Variants in ZSCAN12 observed in about 807,000 individuals in gnomAD.
ZSCAN12 encodes the protein zinc finger and SCAN domain containing 12.
A neutral mutation model predicts 23.4 loss-of-function variants in ZSCAN12; 18 were observed. The observed-to-expected ratio is 0.77, with a 90% CI of 0.53 to 1.14. The LOEUF is 1.14. Ranked by LOEUF, ZSCAN12 falls within the 50% of genes most tolerant of loss-of-function variation. The pLI is 0.00. For missense variants in ZSCAN12, 650 were observed against 735.0 expected (o/e 0.88, Z 1.34); for synonymous variants, 186 against 253.4 (o/e 0.73, Z 2.53).
rs1561961326 is a variant in ZSCAN12, at chr6:28,393,000, A to G, written c.449T>C (p.Val150Ala). 2.6e-6 allele frequency: 4 copies of G among 1,551,816 alleles called. No individual in the cohort carries two copies. Among genetic ancestry groups the G allele is most frequent in the Non-Finnish European group, 3.5e-6 (4 of 1,146,920 alleles). Residue 150 changes from valine to alanine, a missense_variant, in exon 3 of 4, where the codon GTA (valine) becomes GCA (alanine). Transcript: ENST00000684592. ...GGGTTCTCCTTCTTTTCGTAGACGT[A>G]CCGTCTCCTGCAAGAACATTTCCTG... ...GEQEMFLQET[V>A]RLRKEGEPSM...
rs79433518 is a variant in ZSCAN12, at chr6:28,390,444, C to T, written c.*10G>A. On this transcript the variant is annotated 3_prime_UTR_variant, in exon 4 of 4. Coordinates refer to ENST00000684592, the MANE Select transcript of ZSCAN12 (RefSeq NM_001163391.2). ...GGCCTGAACTCTGTGAGATAACTTC[C>T]CTGTAGTCATCACACAGAAACAGAT... 4.7e-5 allele frequency: 72 copies of T among 1,523,446 alleles called. No homozygotes were observed. Among genetic ancestry groups the T allele is most frequent in the Non-Finnish European group, 6.3e-5 (71 of 1,133,298 alleles). The allele number at this position is 1,523,446 out of a possible 1,614,324, so 94.4% of individuals were successfully genotyped here.
intron 1 of ZSCAN12, 110 bp from the exon 2 acceptor site, chr6:28,398,583 T>C: frequency 1.7e-6 from 1 of 592,010 alleles, no homozygotes; most frequent in Non-Finnish European, 2.8e-6. Flanking sequence ...TAATGTACAA[T>C]ACTTACTCAG....
intron 2 of ZSCAN12, among the ~76,000 whole-genome samples, chr6:28,395,968 T>C (rs1005493616): frequency 6.6e-6 from 1 of 152,020 alleles, no homozygotes; most frequent in African/African-American, 2.4e-5. Flanking sequence ...TTTATTGTTG[T>C]TGTTGTTTGA....
chr6:28,385,733 G>A lies in ZSCAN12; in HGVS notation c.*4721C>T, dbSNP rs1489571764. 6.6e-6 allele frequency among the ~76,000 whole-genome samples: 1 copy of A among 152,208 alleles called. No homozygotes were observed. Among genetic ancestry groups the A allele is most frequent in the Non-Finnish European group, 1.5e-5 (1 of 68,032 alleles). On this transcript the variant is annotated 3_prime_UTR_variant, in exon 4 of 4. Transcript: ENST00000684592. ...TTTAGTAATGTCTGGCCCTTAGTAA[G>A]CAGCTAATAAGTGTGCGGTATTGTC...
At position 28,388,366 on chromosome 6, in the gene ZSCAN12, T is replaced by C. The variant is rs1299984399; in HGVS notation, c.*2088A>G. Among the ~76,000 whole-genome samples the C allele has an allele frequency of 6.6e-6, 1 of 152,196 alleles. No homozygotes were observed. Among genetic ancestry groups the C allele is most frequent in the Non-Finnish European group, 1.5e-5 (1 of 68,030 alleles). ...GTAAGTTCCAATCCCAGAAGCCAAT[T>C]TGACACCTAATATACCTGAATTATA... On this transcript the variant is annotated 3_prime_UTR_variant, in exon 4 of 4. Coordinates refer to ENST00000684592, the MANE Select transcript of ZSCAN12 (RefSeq NM_001163391.2).
At position 28,390,991 on chromosome 6, in the gene ZSCAN12, C is replaced by T; in HGVS notation, c.1299G>A (p.Gln433=). 6.4e-7 allele frequency: 1 copy of T among 1,556,140 alleles called. No individual in the cohort carries two copies. The highest frequency in any genetic ancestry group is 8.7e-7 in the Non-Finnish European group (1 of 1,149,386). ...FVYNSSLVSH[Q]EIHHKEKCYQ... ...AGCATTTTTCTTTGTGGTGGATTTC[C>T]TGATGGGAAACAAGGGATGAGTTAT... The change falls in exon 4 of 4, where the codon CAG becomes CAA. Residue 433 remains glutamine (Q), a synonymous_variant. Coordinates refer to ENST00000684592, the MANE Select transcript of ZSCAN12 (RefSeq NM_001163391.2).
downstream of ZSCAN12, chr6:28,382,161 G>A (rs575444129): frequency 2.6e-5 from 5 of 192,000 alleles, no homozygotes; most frequent in Admixed American, 6.0e-5. Context: ...CGATTGCCTC[G>A]TCTCCACATT....
chr6:28,392,537 T>C (rs750544243), intron 3 of ZSCAN12, among the ~76,000 whole-genome samples: 1 of 152,120 alleles, frequency 6.6e-6, no homozygotes, highest in Non-Finnish European at 1.5e-5. Flanking sequence ...TGAAAGTTAG[T>C]TGCAGACATA....
At chr6:28,379,280 T>C (rs1760099426) in exon 5 of ZSCAN12, 1 of 152,148 alleles carries the variant, frequency 6.6e-6, no homozygotes, top group Admixed American at 6.5e-5. Context: ...TATCTGTCAA[T>C]AGGCTATACA....
chr6:28,399,202 T>C (rs1761290392), intron 1 of ZSCAN12, among the ~76,000 whole-genome samples: 1 of 152,256 alleles, frequency 6.6e-6, no homozygotes, highest in South Asian at 2.1e-4. Flanking sequence ...GTAAATTTAT[T>C]TCTTCAGGGA....
rs1312036037 is a variant in ZSCAN12 at position 28,389,369 on chromosome 6, G to A, written c.*1085C>T. Among the ~76,000 whole-genome samples, 1 of 152,152 alleles carries A rather than the reference G, an allele frequency of 6.6e-6. No homozygotes were observed. The highest frequency in any genetic ancestry group is 1.5e-5 in the Non-Finnish European group (1 of 68,034). On this transcript the variant is annotated 3_prime_UTR_variant, in exon 4 of 4. Transcript: ENST00000684592. ...TCTAATTCCTTGTTCACTCCAAAGAGCTGATGGCACATGTTCCCTGTAAGG... is the reference window on the plus strand; with the variant it reads ...TCTAATTCCTTGTTCACTCCAAAGAACTGATGGCACATGTTCCCTGTAAGG...
downstream of ZSCAN12, chr6:28,380,792 C>T (rs138479352): frequency 4.5e-5 from 7 of 153,854 alleles, no homozygotes; most frequent in South Asian, 1.4e-3. Flanking sequence ...GACATTCCCC[C>T]CAACAAAATT....
At chr6:28,392,783 A>T in intron 3 of ZSCAN12, 119 bp downstream of exon 3, 1 of 1,127,202 alleles carries the variant, frequency 8.9e-7, no homozygotes, top group Non-Finnish European at 1.2e-6. Flanking sequence ...ATGAGCCATC[A>T]GATTCTGAGA....
chr6:28,384,995 G>A lies in ZSCAN12; in HGVS notation c.*5459C>T, dbSNP rs1760470819. ...AAGCATTTGCTCAAATTCTGGCCTT[G>A]TGGAGTTAGGAGGGTCACCATTTGA... is the stretch of plus-strand genomic sequence containing the variant. On this transcript the variant is annotated 3_prime_UTR_variant, in exon 4 of 4. Transcript: ENST00000684592. Among the ~76,000 whole-genome samples, 1 of 152,212 alleles carries A rather than the reference G, an allele frequency of 6.6e-6. No homozygotes were observed. Among genetic ancestry groups the A allele is most frequent in the Admixed American group, 6.5e-5 (1 of 15,280 alleles).
In ZSCAN12 at chr6:28,386,366, C is replaced by T. The variant is rs1010879880; in HGVS notation, c.*4088G>A. ...GGCCATTGTTACTACAATTGATGACCGTTATTTCTACCTTGGACCTGCTTC... is the reference window on the plus strand; with the variant it reads ...GGCCATTGTTACTACAATTGATGACTGTTATTTCTACCTTGGACCTGCTTC... On this transcript the variant is annotated 3_prime_UTR_variant, in exon 4 of 4. Transcript: ENST00000684592. 6.6e-6 allele frequency among the ~76,000 whole-genome samples: 1 copy of T among 152,162 alleles called. No homozygotes were observed. The highest frequency in any genetic ancestry group is 1.5e-5 in the Non-Finnish European group (1 of 68,030).
At chr6:28,394,417 T>TA (rs1376102765) in intron 2 of ZSCAN12, among the ~76,000 whole-genome samples, 2 of 152,234 alleles carry the variant, frequency 1.3e-5, no homozygotes, top group Admixed American at 6.5e-5. Flanking sequence ...ATTTCCCTGA[T>TA]ACATTTTCAT....
In ZSCAN12 at chr6:28,391,407, T is replaced by C. The variant is rs1760825087; in HGVS notation, c.883A>G (p.Ile295Val). The C allele has an allele frequency of 1.3e-6, 2 of 1,551,550 alleles. No individual in the cohort carries two copies. The highest frequency in any genetic ancestry group is 2.7e-5 in the African/African-American group (2 of 73,026). Residue 295 changes from isoleucine to valine, a missense_variant, in exon 4 of 4, where the codon ATC becomes GTC. By Grantham distance (29) the Ile-to-Val change is conservative. Coordinates refer to ENST00000684592, the MANE Select transcript of ZSCAN12 (RefSeq NM_001163391.2). The surrounding 1 kb of genome is among the most constrained non-coding windows in gnomAD (Gnocchi z 4.1). ...TTGTAGGGTCTATCTCCAGTATGGATCCTCTGATGTTCTATGAGGTGTGAG... is the reference window on the plus strand; with the variant it reads ...TTGTAGGGTCTATCTCCAGTATGGACCCTCTGATGTTCTATGAGGTGTGAG... Reference protein sequence around the residue: ...QHSHLIEHQRIHTGDRPYKCE... With the variant: ...QHSHLIEHQRVHTGDRPYKCE...
chr6:28,386,809 C>A lies in ZSCAN12; in HGVS notation c.*3645G>T, dbSNP rs951920186. ...AGCATGAGAAATAACCAGAACAAAACCCCCACGTGTATTTTTATTTTTATT... is the reference window on the plus strand; with the variant it reads ...AGCATGAGAAATAACCAGAACAAAAACCCCACGTGTATTTTTATTTTTATT... On this transcript the variant is annotated 3_prime_UTR_variant, in exon 4 of 4. Coordinates refer to ENST00000684592, the MANE Select transcript of ZSCAN12 (RefSeq NM_001163391.2). 6.6e-6 allele frequency among the ~76,000 whole-genome samples: 1 copy of A among 152,048 alleles called. No homozygotes were observed. Among genetic ancestry groups the A allele is most frequent in the Non-Finnish European group, 1.5e-5 (1 of 67,984 alleles).
chr6:28,380,075 A>G (rs527694925), downstream of ZSCAN12: 101 of 152,346 alleles, frequency 6.6e-4, no homozygotes, highest in African/African-American at 2.3e-3. Flanking sequence ...TTGATCTAAG[A>G]AACTAATTTA....
Sources: gnomAD v4.1 joint callset for allele counts (sites outside exome capture counted in the v4.1 genomes callset) on GRCh38, gnomAD v4.1.1 for gene constraint, Gnocchi (gnomAD v3.1) non-coding constraint, MANE v1.5 for transcripts, NCBI Gene and HGNC (gene_info 2026-07-23, HGNC 2026-07-21) for gene names.